Variants in RBFOX1 observed in about 807,000 individuals in gnomAD.
RBFOX1 encodes the protein RNA binding protein fox-1 homolog 1.
RBFOX1 carries 8 observed loss-of-function variants against 57.7 expected under a neutral mutation model. The ratio of observed to expected loss-of-function variants is 0.14; its 90% CI spans 0.08 to 0.25. RBFOX1 has a LOEUF of 0.25. Among genes scored for constraint, RBFOX1 ranks in the 10% least tolerant of loss-of-function variants. RBFOX1 has a pLI of 1.00. For missense variants in RBFOX1, 611 were observed against 548.5 expected, an observed-to-expected ratio of 1.11 and a Z score of -1.14; for synonymous variants, 326 against 222.4, an observed-to-expected ratio of 1.47 and a Z score of -4.15.
intron 2 of RBFOX1, among the ~76,000 whole-genome samples, chr16:6,609,793 A>G (rs1048669975): frequency 6.6e-6 from 1 of 152,058 alleles, no homozygotes; most frequent in Non-Finnish European, 1.5e-5. Flanking sequence ...GCAAATTACA[A>G]GGTCAAAAGG....
At chr16:7,352,676 C>T (rs1266201002) in intron 4 of RBFOX1, among the ~76,000 whole-genome samples, 2 of 152,060 alleles carry the variant, frequency 1.3e-5, no homozygotes, top group Non-Finnish European at 2.9e-5. Flanking sequence ...CACTCTTGTC[C>T]TGGATCTGCC....
At chr16:7,331,300 T>G (rs2096690816) in intron 4 of RBFOX1, among the ~76,000 whole-genome samples, 1 of 152,196 alleles carries the variant, frequency 6.6e-6, no homozygotes. Flanking sequence ...CTATATCAAG[T>G]GTCCTGTTTA....
chr16:5,404,131 A>C lies in RBFOX1; in HGVS notation c.220-63085A>C, dbSNP rs542959420. On this transcript the variant is annotated intron_variant, in intron 1 of 2. Transcript: ENST00000585867. ...GACAAAGGAGATGGGGATGATTAACACTGGAGACTTGGAGGGGTGAGGAGA... is the reference window on the plus strand; with the variant it reads ...GACAAAGGAGATGGGGATGATTAACCCTGGAGACTTGGAGGGGTGAGGAGA... Among the ~76,000 whole-genome samples, 5 of 151,118 alleles carry C rather than the reference A, an allele frequency of 3.3e-5. No homozygotes were observed. The East Asian group carries it at 9.8e-4, about 30-fold the overall frequency.
intron 2 of RBFOX1, among the ~76,000 whole-genome samples, chr16:5,545,175 ACT>A (rs1421146170): frequency 6.6e-6 from 1 of 151,618 alleles, no homozygotes; most frequent in African/African-American, 2.4e-5. Context: ...ACAGGGTTTC[ACT>A]CTGTTGGCCA....
intron 4 of RBFOX1, among the ~76,000 whole-genome samples, chr16:5,912,482 C>G (rs1311572223): frequency 6.6e-6 from 1 of 152,150 alleles, no homozygotes; most frequent in Admixed American, 6.5e-5. Flanking sequence ...CTCCTCTCAC[C>G]TCACTCCAGT....
At chr16:5,837,479 G>T (rs997282296) in intron 3 of RBFOX1, among the ~76,000 whole-genome samples, 3 of 151,944 alleles carry the variant, frequency 2.0e-5, no homozygotes, top group African/African-American at 7.3e-5. Flanking sequence ...ACGACTCTCA[G>T]CCACCCTCTG....
intron 3 of RBFOX1, among the ~76,000 whole-genome samples, chr16:6,922,576 G>C (rs145635585): frequency 8.3e-4 from 126 of 152,056 alleles, no homozygotes; most frequent in Admixed American, 1.3e-3. Flanking sequence ...GGCTTTTTTC[G>C]TGTGTGTGGA....
chr16:7,151,394 A>G (rs2076081036), intron 4 of RBFOX1, among the ~76,000 whole-genome samples: 5 of 152,176 alleles, frequency 3.3e-5, no homozygotes, highest in Non-Finnish European at 7.3e-5. Flanking sequence ...GTTGTCTTCA[A>G]GCAGGGCAGG....
intron 4 of RBFOX1, among the ~76,000 whole-genome samples, chr16:6,005,153 C>T (rs1221377532): frequency 2.3e-4 from 35 of 152,136 alleles, no homozygotes. Context: ...AATAGATTTG[C>T]TGAGAAAGTC....
At chr16:6,807,091 C>T (rs544616397) in intron 3 of RBFOX1, among the ~76,000 whole-genome samples, 1 of 151,800 alleles carries the variant, frequency 6.6e-6, no homozygotes, top group African/African-American at 2.4e-5. Context: ...GCTTCAGCCT[C>T]CCAAAGTGCT....
At chr16:5,986,035 A>ATTTTCTATTGATT (rs2060279074) in intron 4 of RBFOX1, among the ~76,000 whole-genome samples, 1 of 144,550 alleles carries the variant, frequency 6.9e-6, no homozygotes. Context: ...ATTCCTCTTT[A>ATTTTCTATTGATT]TTTTCTATTG....
At chr16:6,851,351 G>A (rs2094051579) in intron 3 of RBFOX1, among the ~76,000 whole-genome samples, 1 of 152,226 alleles carries the variant, frequency 6.6e-6, no homozygotes, top group South Asian at 2.1e-4. Flanking sequence ...TGTCCTGGCT[G>A]TGATATTTAT....
chr16:6,054,386 A>C (rs1567342982), intron 1 of RBFOX1, among the ~76,000 whole-genome samples: 2 of 152,216 alleles, frequency 1.3e-5, no homozygotes, highest in African/African-American at 4.8e-5. Context: ...AGGTTTTATT[A>C]AGTATCAACC....
chr16:6,783,300 TGTTA>T lies in RBFOX1; in HGVS notation c.-16+128654_-16+128657del, dbSNP rs541305279. Among the ~76,000 whole-genome samples, 203 of 151,964 alleles carry T rather than the reference TGTTA, an allele frequency of 1.3e-3. 2 individuals are homozygous for T. Among genetic ancestry groups the T allele is most frequent in the African/African-American group, 4.6e-3 (192 of 41,524 alleles). ...TTGTTTTTTGTTGTTGTTGTCATTT[TGTTA>T]GTTCTCTCTTCCTTTTTTTTTTTCT... is the stretch of plus-strand genomic sequence containing the variant. On this transcript the variant is annotated intron_variant, in intron 3 of 15. Coordinates refer to ENST00000550418, the MANE Select transcript of RBFOX1 (RefSeq NM_018723.4).
At chr16:6,914,508 T>G (rs940519855) in intron 3 of RBFOX1, among the ~76,000 whole-genome samples, 2 of 151,946 alleles carry the variant, frequency 1.3e-5, no homozygotes, top group African/African-American at 2.4e-5. Flanking sequence ...GAGCCACCTT[T>G]GATAAGTGAG....
chr16:6,610,435 C>A lies in RBFOX1; in HGVS notation c.-63-44168C>A, dbSNP rs533129873. Among the ~76,000 whole-genome samples, 34 of 152,162 alleles carry A rather than the reference C, an allele frequency of 2.2e-4. No homozygotes were observed. The South Asian group carries it at 7.1e-3, about 32-fold the overall frequency. Reference sequence around the variant, plus strand: ...ATCAACCTTGCCGGCTCAAGTGATCCTCCCACTTCAGCCTCCAGAGTAGCT... The same window carrying A: ...ATCAACCTTGCCGGCTCAAGTGATCATCCCACTTCAGCCTCCAGAGTAGCT... On this transcript the variant is annotated intron_variant, in intron 2 of 15. Coordinates refer to ENST00000550418, the MANE Select transcript of RBFOX1 (RefSeq NM_018723.4).
At chr16:7,320,011 T>C (rs1315103234) in intron 4 of RBFOX1, among the ~76,000 whole-genome samples, 2 of 152,206 alleles carry the variant, frequency 1.3e-5, no homozygotes, top group Non-Finnish European at 2.9e-5. Context: ...GACTGCCTTT[T>C]ATGCAAGTGT....
intron 3 of RBFOX1, among the ~76,000 whole-genome samples, chr16:7,027,571 A>T (rs576803158): frequency 6.6e-6 from 1 of 152,144 alleles, no homozygotes; most frequent in Non-Finnish European, 1.5e-5. Flanking sequence ...GTCTTAGACC[A>T]AGACTAATGT....
intron 4 of RBFOX1, among the ~76,000 whole-genome samples, chr16:7,308,297 G>GTTTT (rs34533950): frequency 0.52 from 75,301 of 144,264 alleles, 20,334 homozygotes; most frequent in East Asian, 0.61. Context: ...ACCCAGAGCT[G>GTTTT]TTTTTTTTTT....
Sources: gnomAD v4.1 joint callset for allele counts (sites outside exome capture counted in the v4.1 genomes callset) on GRCh38, gnomAD v4.1.1 for gene constraint, MANE v1.5 for transcripts, NCBI Gene and HGNC (gene_info 2026-07-23, HGNC 2026-07-21) for gene names.